The following STK32B variants were observed in gnomAD, a reference collection of about 807,000 sequenced individuals.
The protein encoded by STK32B is serine/threonine-protein kinase 32B.
STK32B carries 43 observed loss-of-function variants against 52.6 expected under a neutral mutation model. The observed-to-expected ratio is 0.82, with a 90% confidence interval of 0.64 to 1.05. STK32B has a LOEUF of 1.05. STK32B is among the 50% of genes least tolerant of loss of function. The probability of loss-of-function intolerance (pLI) is 0.00; values close to 1 mark genes in which losing one functional copy is unlikely to be tolerated. For synonymous variants in STK32B, 238 were observed against 204.3 expected (o/e 1.17, Z -1.41); for missense variants, 621 against 534.6 (o/e 1.16, Z -1.59).
intron 3 of STK32B, among the ~76,000 whole-genome samples, chr4:5,272,863 C>T (rs1196643462): frequency 9.2e-5 from 13 of 141,392 alleles, no homozygotes; most frequent in African/African-American, 1.6e-4. Context: ...AAGATTTAAA[C>T]GTTAGACCTA....
At chr4:5,106,272 G>A (rs766615539) in intron 1 of STK32B, among the ~76,000 whole-genome samples, 1 of 152,120 alleles carries the variant, frequency 6.6e-6, no homozygotes, top group Non-Finnish European at 1.5e-5. Context: ...CTGCACTCCA[G>A]CCTGGATGAC....
chr4:5,224,157 G>A (rs1347780137), intron 3 of STK32B, among the ~76,000 whole-genome samples: 1 of 152,150 alleles, frequency 6.6e-6, no homozygotes, highest in Non-Finnish European at 1.5e-5. Context: ...GGGGCTATTG[G>A]GATGAAATGA....
intron 4 of STK32B, among the ~76,000 whole-genome samples, chr4:5,345,718 T>C (rs1733407018): frequency 6.6e-6 from 1 of 152,228 alleles, no homozygotes; most frequent in Non-Finnish European, 1.5e-5. Context: ...CCTAAGCTCA[T>C]ACTATCTCTA....
At chr4:5,414,428 T>TA (rs995101697) in intron 5 of STK32B, among the ~76,000 whole-genome samples, 6 of 152,078 alleles carry the variant, frequency 3.9e-5, no homozygotes. Context: ...TAAATAAAAC[T>TA]AAAAAAGAAT....
intron 3 of STK32B, among the ~76,000 whole-genome samples, chr4:5,204,458 T>TTGTTTTG (rs1553850285): frequency 4.1e-5 from 6 of 146,756 alleles, no homozygotes; most frequent in Admixed American, 1.4e-4. Context: ...TTTTTAGGTT[T>TTGTTTTG]TTTTGTTTTG....
At chr4:5,446,972 C>G (rs1311132302) in intron 7 of STK32B, 196 bp downstream of exon 7, 1 of 550,636 alleles carries the variant, frequency 1.8e-6, no homozygotes, top group Non-Finnish European at 3.3e-6. Flanking sequence ...ACTCATTGTA[C>G]AGATGGGAAA....
chr4:5,151,556 G>A (rs1717366020), intron 2 of STK32B, among the ~76,000 whole-genome samples: 1 of 152,212 alleles, frequency 6.6e-6, no homozygotes, highest in African/African-American at 2.4e-5. Flanking sequence ...GCCTCCTAGT[G>A]TAGCACCAAA....
chr4:5,067,035 CTGGGTAA>C (rs1225725555), intron 1 of STK32B, among the ~76,000 whole-genome samples: 2 of 152,154 alleles, frequency 1.3e-5, no homozygotes, highest in African/African-American at 4.8e-5. Context: ...ATACCTGAGA[CTGGGTAA>C]TTTATAAAGG....
intron 3 of STK32B, among the ~76,000 whole-genome samples, chr4:5,292,551 G>A (rs548141426): frequency 6.6e-6 from 1 of 151,334 alleles, no homozygotes; most frequent in African/African-American, 2.4e-5. Flanking sequence ...TGCTTTATTG[G>A]GTGCATAATT....
At chr4:5,131,498 A>G (rs947280294) in intron 1 of STK32B, among the ~76,000 whole-genome samples, 25 of 152,312 alleles carry the variant, frequency 1.6e-4, no homozygotes, top group Admixed American at 1.0e-3. Flanking sequence ...TCATGTTTGA[A>G]AAACTTCCTA....
intron 1 of STK32B, among the ~76,000 whole-genome samples, chr4:5,074,035 C>G (rs1254923823): frequency 6.6e-6 from 1 of 151,774 alleles, no homozygotes; most frequent in Non-Finnish European, 1.5e-5. Context: ...AATATTTTTT[C>G]TATTTTCTAC....
chr4:5,029,977 C>A, the STK32B span, among the ~76,000 whole-genome samples: 1 of 152,132 alleles, frequency 6.6e-6, no homozygotes, highest in South Asian at 2.1e-4. Context: ...AGGGGCTCTT[C>A]CCGCTTTGCT....
At chr4:5,443,618 A>C (rs1423188905) in intron 6 of STK32B, among the ~76,000 whole-genome samples, 3 of 152,014 alleles carry the variant, frequency 2.0e-5, no homozygotes, top group African/African-American at 4.8e-5. Context: ...GTCATTCTCC[A>C]TCCAGCTTTG....
intron 3 of STK32B, among the ~76,000 whole-genome samples, chr4:5,210,088 C>G (rs1722815413): frequency 6.6e-6 from 1 of 152,230 alleles, no homozygotes; most frequent in African/African-American, 2.4e-5. Context: ...ATGTCAAACA[C>G]ACACCCACAG....
intron 2 of STK32B, among the ~76,000 whole-genome samples, chr4:5,142,449 G>A (rs1046155986): frequency 1.3e-5 from 2 of 152,204 alleles, no homozygotes; most frequent in Non-Finnish European, 2.9e-5. Flanking sequence ...ACACAATCCA[G>A]ACTTCACTGT....
intron 1 of STK32B, among the ~76,000 whole-genome samples, chr4:5,128,356 T>C (rs1406898362): frequency 6.6e-6 from 1 of 152,196 alleles, no homozygotes; most frequent in Non-Finnish European, 1.5e-5. Context: ...ATAGTTTAAT[T>C]CTTATTGTCT....
At chr4:5,120,498 A>G (rs1714968894) in intron 1 of STK32B, among the ~76,000 whole-genome samples, 1 of 152,226 alleles carries the variant, frequency 6.6e-6, no homozygotes, top group South Asian at 2.1e-4. Context: ...TGCTTAACTT[A>G]TAAATTAAAC....
In STK32B at chr4:5,396,226, C is replaced by A. The variant is rs1736910687; in HGVS notation, c.435-1981C>A. ...CTGGAGGTTCAGGAGAGAATCCGCC[C>A]CTGGCCTGTTCCAGCTCCAGGTGGC... On this transcript the variant is annotated intron_variant, in intron 4 of 11. Coordinates refer to ENST00000282908, the MANE Select transcript of STK32B (RefSeq NM_018401.3). The surrounding 1 kb of genome is among the most constrained non-coding windows in gnomAD (Gnocchi z 4.7). Among the ~76,000 whole-genome samples the A allele has an allele frequency of 6.6e-6, 1 of 152,182 alleles. No homozygotes were observed. The highest frequency in any genetic ancestry group is 1.5e-5 in the Non-Finnish European group (1 of 68,036).
chr4:5,139,719 T>C, intron 1 of STK32B, 186 bp from the exon 2 acceptor site: 4 of 609,112 alleles, frequency 6.6e-6, no homozygotes, highest in Non-Finnish European at 1.2e-5. Context: ...ATTTGTGTGC[T>C]GGGGAAAAAA....
Sources: gnomAD v4.1 joint callset for allele counts (sites outside exome capture counted in the v4.1 genomes callset) on GRCh38, gnomAD v4.1.1 for gene constraint, Gnocchi (gnomAD v3.1) non-coding constraint, MANE v1.5 for transcripts, NCBI Gene and HGNC (gene_info 2026-07-23, HGNC 2026-07-21) for gene names.